The following SGCD variants were observed in gnomAD, a reference collection of about 807,000 sequenced individuals.
SGCD encodes the protein delta-sarcoglycan.
Under a neutral mutation model 36.6 loss-of-function variants are expected in SGCD, and 18 were observed. The observed-to-expected ratio is 0.49, with a 90% CI of 0.34 to 0.73. The LOEUF is 0.73. Among genes scored for constraint, SGCD ranks in the 30% least tolerant of loss-of-function variants. The probability of loss-of-function intolerance (pLI) is 0.01; values close to 1 mark genes in which losing one functional copy is unlikely to be tolerated. For synonymous variants in SGCD, 133 were observed against 130.6 expected (o/e 1.02, Z -0.12); for missense variants, 387 against 346.7 (o/e 1.12, Z -0.92).
At chr5:156,009,764 A>T (rs1349261578) in intron 1 of SGCD, among the ~76,000 whole-genome samples, 1 of 152,166 alleles carries the variant, frequency 6.6e-6, no homozygotes, top group Non-Finnish European at 1.5e-5. Context: ...GAATTAGTCT[A>T]ATCTGTCCTC....
the SGCD span, among the ~76,000 whole-genome samples, chr5:155,850,959 G>C: frequency 1.3e-5 from 2 of 152,144 alleles, no homozygotes; most frequent in Non-Finnish European, 2.9e-5. Flanking sequence ...AATGGGGTTG[G>C]GGGAAGTCTA....
intron 3 of SGCD, among the ~76,000 whole-genome samples, chr5:156,257,453 G>A (rs1054500539): frequency 5.3e-5 from 8 of 152,250 alleles, no homozygotes; most frequent in East Asian, 3.9e-4. Flanking sequence ...CAGCCTGGGC[G>A]ACAGAGCGAG....
At chr5:156,342,867 G>A (rs1290948043) in intron 2 of SGCD, among the ~76,000 whole-genome samples, 3 of 152,226 alleles carry the variant, frequency 2.0e-5, no homozygotes, top group African/African-American at 7.2e-5. Context: ...CATCATTTAT[G>A]CATTCTGTTT....
At chr5:156,080,142 T>C (rs1327133200) in intron 1 of SGCD, among the ~76,000 whole-genome samples, 1 of 152,218 alleles carries the variant, frequency 6.6e-6, no homozygotes, top group Non-Finnish European at 1.5e-5. Context: ...TCTAAAGCAG[T>C]TGCCTGAGTT....
intron 3 of SGCD, chr5:156,458,652 G>T: frequency 1.6e-6 from 1 of 614,250 alleles, no homozygotes; most frequent in Non-Finnish European, 2.9e-6. Flanking sequence ...GATATTGTAA[G>T]AATTAAATGA....
At chr5:156,333,149 G>A (rs1768151726) in intron 2 of SGCD, among the ~76,000 whole-genome samples, 1 of 152,144 alleles carries the variant, frequency 6.6e-6, no homozygotes, top group Non-Finnish European at 1.5e-5. Flanking sequence ...GAGAGCGCAG[G>A]TAATAGCTAA....
At chr5:156,266,937 GA>G (rs1208109437) in intron 3 of SGCD, among the ~76,000 whole-genome samples, 1 of 151,724 alleles carries the variant, frequency 6.6e-6, no homozygotes, top group African/African-American at 2.4e-5. Context: ...AAAATTGAAA[GA>G]AAAAAAATAG....
intron 7 of SGCD, among the ~76,000 whole-genome samples, chr5:156,753,696 AAGG>A (rs1328833719): frequency 2.0e-5 from 3 of 152,180 alleles, no homozygotes; most frequent in African/African-American, 7.2e-5. Context: ...AGGTGGCAGG[AAGG>A]AGAAGTGCCA....
At chr5:156,406,790 TTATATATATATATA>T (rs200600544) in intron 3 of SGCD, among the ~76,000 whole-genome samples, 19,059 of 75,798 alleles carry the variant, frequency 0.25, 2,312 homozygotes, top group Middle Eastern at 0.47. Context: ...ATAGGAGATT[TTATATATATATATA>T]TATATATATA....
chr5:156,200,944 A>C (rs116514943), intron 3 of SGCD, among the ~76,000 whole-genome samples: 3,853 of 152,302 alleles, frequency 0.025, 172 homozygotes, highest in African/African-American at 0.088. Flanking sequence ...ATGTGTTGTA[A>C]TATGGATGAA....
the SGCD span, among the ~76,000 whole-genome samples, chr5:155,762,164 C>A: frequency 6.6e-6 from 1 of 152,146 alleles, no homozygotes; most frequent in African/African-American, 2.4e-5. Context: ...CTTTTTCTGA[C>A]TACCCCCACC....
At chr5:155,761,567 C>CA in the SGCD span, among the ~76,000 whole-genome samples, 2 of 144,680 alleles carry the variant, frequency 1.4e-5, no homozygotes, top group Non-Finnish European at 3.0e-5. Context: ...CCCTCTCCAT[C>CA]AACTTCTCCG....
At chr5:156,524,184 C>CTA (rs370041027) in intron 4 of SGCD, among the ~76,000 whole-genome samples, 31,885 of 74,924 alleles carry the variant, frequency 0.43, 8,024 homozygotes, top group East Asian at 0.66. Flanking sequence ...ATAGGTCTTA[C>CTA]TATATATATA....
chr5:156,435,963 T>G (rs1389369003), intron 3 of SGCD, among the ~76,000 whole-genome samples: 4 of 152,188 alleles, frequency 2.6e-5, no homozygotes. Flanking sequence ...AGCACTCAGT[T>G]TGAATATTCT....
intron 1 of SGCD, among the ~76,000 whole-genome samples, chr5:156,090,213 G>T (rs1022000518): frequency 1.3e-5 from 2 of 152,110 alleles, no homozygotes; most frequent in African/African-American, 4.8e-5. Context: ...CTTATTTCCT[G>T]ATGTTAGGAG....
chr5:155,930,404 T>G (rs1040212309), intron 1 of SGCD, among the ~76,000 whole-genome samples: 6 of 152,200 alleles, frequency 3.9e-5, no homozygotes, highest in African/African-American at 1.4e-4. Flanking sequence ...TACTGTATTG[T>G]GCAAGCAAGA....
intron 7 of SGCD, among the ~76,000 whole-genome samples, chr5:156,675,835 A>G (rs1376766407): frequency 2.0e-5 from 3 of 152,208 alleles, no homozygotes; most frequent in African/African-American, 7.2e-5. Context: ...CTAATACTAT[A>G]GTGTGATAGT....
chr5:156,298,791 T>C (rs1452827208), intron 3 of SGCD, among the ~76,000 whole-genome samples: 3 of 152,102 alleles, frequency 2.0e-5, no homozygotes, highest in African/African-American at 7.2e-5. Context: ...TTTAATTAGA[T>C]TATTAGATAT....
At chr5:155,767,181 A>G in the SGCD span, among the ~76,000 whole-genome samples, 40 of 152,348 alleles carry the variant, frequency 2.6e-4, no homozygotes, top group African/African-American at 9.1e-4. Context: ...CAGCAGCTCC[A>G]TGGAAGTGGG....
Sources: gnomAD v4.1 joint callset for allele counts (sites outside exome capture counted in the v4.1 genomes callset) on GRCh38, gnomAD v4.1.1 for gene constraint, MANE v1.5 for transcripts, NCBI Gene and HGNC (gene_info 2026-07-23, HGNC 2026-07-21) for gene names.